Variants in GRB10 observed in about 807,000 individuals in gnomAD.
GRB10 encodes the protein growth factor receptor bound protein 10.
In GRB10, 20 loss-of-function variants were observed where a neutral mutation model predicts 80.9. The observed-to-expected ratio is 0.25, with a 90% CI of 0.17 to 0.36. The LOEUF is 0.36. Ranked by LOEUF, GRB10 falls within the 10% of genes least tolerant of loss-of-function variation. The pLI is 1.00. For synonymous variants in GRB10, 291 were observed against 291.5 expected (o/e 1.00, Z 0.02); for missense variants, 548 against 747.7 (o/e 0.73, Z 3.12).
intron 7 of GRB10, among the ~76,000 whole-genome samples, chr7:50,640,382 G>A (rs1300918590): frequency 2.0e-5 from 3 of 152,194 alleles, no homozygotes; most frequent in Non-Finnish European, 4.4e-5. Flanking sequence ...CCCCTTCGAG[G>A]TAATCTTCAG....
intron 2 of GRB10, among the ~76,000 whole-genome samples, chr7:50,773,395 AGGGAAG>A (rs149390145): frequency 0.014 from 1,109 of 81,412 alleles, 22 homozygotes; most frequent in African/African-American, 0.039. Context: ...GGGAAGGGGA[AGGGAAG>A]GGGAAGGGGA....
chr7:50,792,438 ATACCC>A, intron 1 of GRB10: 1 of 398,580 alleles, frequency 2.5e-6, no homozygotes, highest in Non-Finnish European at 4.4e-6. Context: ...AAAGTAAAGG[ATACCC>A]TAATTTCCAT....
chr7:50,758,710 T>A (rs187783031), intron 2 of GRB10, among the ~76,000 whole-genome samples: 1 of 152,208 alleles, frequency 6.6e-6, no homozygotes, highest in Non-Finnish European at 1.5e-5. Flanking sequence ...AAACTCCATA[T>A]TGTACTGATA....
At chr7:50,643,374 T>C (rs745481094) in intron 7 of GRB10, among the ~76,000 whole-genome samples, 4 of 152,198 alleles carry the variant, frequency 2.6e-5, no homozygotes, top group Admixed American at 6.5e-5. Context: ...CTCCTGTCTG[T>C]GGACCAGATG....
chr7:50,781,291 G>A (rs1393396858), intron 1 of GRB10: 1 of 152,284 alleles, frequency 6.6e-6, no homozygotes. Context: ...TGAAACAAGT[G>A]TTCTTTACCA....
chr7:50,716,161 A>G (rs2066835195), intron 4 of GRB10, among the ~76,000 whole-genome samples: 1 of 152,232 alleles, frequency 6.6e-6, no homozygotes, highest in African/African-American at 2.4e-5. Context: ...AGCCATCTGG[A>G]GAGAAGCGTG....
intron 7 of GRB10, among the ~76,000 whole-genome samples, chr7:50,644,826 T>A (rs556161989): frequency 6.6e-6 from 1 of 152,292 alleles, no homozygotes; most frequent in East Asian, 1.9e-4. Context: ...TGTGGGCAGA[T>A]GCTAGACAGA....
At chr7:50,746,526 C>G (rs974399746) in intron 3 of GRB10, among the ~76,000 whole-genome samples, 3 of 152,090 alleles carry the variant, frequency 2.0e-5, no homozygotes, top group Non-Finnish European at 2.9e-5. Context: ...ACTGCCAGAC[C>G]CAGGAACTGT....
At chr7:50,719,432 C>T (rs140621011) in intron 4 of GRB10, among the ~76,000 whole-genome samples, 1 of 152,070 alleles carries the variant, frequency 6.6e-6, no homozygotes, top group East Asian at 1.9e-4. Context: ...GAACAGAAAA[C>T]CAAACACTGC....
intron 5 of GRB10, among the ~76,000 whole-genome samples, chr7:50,685,008 G>A (rs189876135): frequency 7.2e-5 from 11 of 152,274 alleles, no homozygotes; most frequent in African/African-American, 2.6e-4. Flanking sequence ...CCAAATTTCT[G>A]TCACTCACTA....
chr7:50,680,922 C>T (rs1460093512), intron 5 of GRB10, among the ~76,000 whole-genome samples: 1 of 152,136 alleles, frequency 6.6e-6, no homozygotes, highest in Non-Finnish European at 1.5e-5. Flanking sequence ...GAAACTCCAT[C>T]CAGACCCTCC....
chr7:50,705,271 G>A (rs2153669599), intron 4 of GRB10: 1 of 985,652 alleles, frequency 1.0e-6, no homozygotes, highest in East Asian at 1.1e-4. Flanking sequence ...CTTAGAAGGA[G>A]GATGTTTGTT....
intron 10 of GRB10, among the ~76,000 whole-genome samples, chr7:50,617,634 G>A (rs966531765): frequency 1.3e-5 from 2 of 152,312 alleles, no homozygotes; most frequent in East Asian, 3.9e-4. Flanking sequence ...TTAAAAGTCT[G>A]TTGTGGTAAC....
At chr7:50,665,108 C>T (rs997204958) in intron 7 of GRB10, among the ~76,000 whole-genome samples, 1 of 152,228 alleles carries the variant, frequency 6.6e-6, no homozygotes, top group Non-Finnish European at 1.5e-5. Context: ...TCACTGCTGA[C>T]AAGGAGGACT....
At chr7:50,649,194 G>A (rs2057671014) in intron 7 of GRB10, among the ~76,000 whole-genome samples, 1 of 152,144 alleles carries the variant, frequency 6.6e-6, no homozygotes, top group Admixed American at 6.5e-5. Flanking sequence ...GGGGACTGAC[G>A]TTCTAGTGGT....
upstream of GRB10, among the ~76,000 whole-genome samples, chr7:50,785,155 A>G (rs1411134299): frequency 6.6e-6 from 1 of 152,190 alleles, no homozygotes; most frequent in East Asian, 1.9e-4. Flanking sequence ...TGCAGAGCTG[A>G]GAAGAGACCC....
At chr7:50,708,376 T>G (rs530250828) in intron 4 of GRB10, among the ~76,000 whole-genome samples, 2 of 152,294 alleles carry the variant, frequency 1.3e-5, no homozygotes, top group African/African-American at 4.8e-5. Context: ...ATGATGGTGA[T>G]TGTAAAATAA....
At chr7:50,715,947 A>G (rs2066790585) in intron 4 of GRB10, among the ~76,000 whole-genome samples, 2 of 152,240 alleles carry the variant, frequency 1.3e-5, no homozygotes, top group African/African-American at 4.8e-5. Flanking sequence ...TCCAAGCTGC[A>G]GCGCAGGGAG....
At chr7:50,730,962 T>A (rs922557557) in intron 4 of GRB10, among the ~76,000 whole-genome samples, 11 of 151,618 alleles carry the variant, frequency 7.3e-5, no homozygotes, top group Non-Finnish European at 1.6e-4. Context: ...CAGGCAGGGG[T>A]GAAGGGTGCA....
Sources: allele counts gnomAD v4.1 joint callset (sites outside exome capture counted in the v4.1 genomes callset), GRCh38; gene constraint gnomAD v4.1.1; transcripts MANE v1.5; gene names NCBI Gene and HGNC (gene_info 2026-07-23, HGNC 2026-07-21).